The following RANBP2 variants were observed in gnomAD, a reference collection of about 807,000 sequenced individuals.
The protein encoded by RANBP2 is E3 SUMO-protein ligase RanBP2.
Under a neutral mutation model 303.6 loss-of-function variants are expected in RANBP2, and 57 were observed. That is an observed-to-expected ratio of 0.19 (90% CI 0.15 to 0.23). The LOEUF (loss-of-function observed/expected upper bound fraction) is 0.23, where lower values mean the gene tolerates loss of function less well. Ranked by LOEUF, RANBP2 falls within the 10% of genes least tolerant of loss-of-function variation. The pLI is 1.00. For missense variants in RANBP2, 3,138 were observed against 3,780.8 expected, an observed-to-expected ratio of 0.83 and a Z score of 4.46; for synonymous variants, 1,167 against 1,301.5, an observed-to-expected ratio of 0.90 and a Z score of 2.23.
At chr2:108,728,595 TATGATGATGATGATG>T (rs56238649) in intron 1 of RANBP2, among the ~76,000 whole-genome samples, 35 of 145,614 alleles carry the variant, frequency 2.4e-4, no homozygotes, top group Admixed American at 1.2e-3. Flanking sequence ...CCAGCTTATT[TATGATGATGATGATG>T]ATGATGATGA....
chr2:108,800,789 C>G, the RANBP2 span, among the ~76,000 whole-genome samples: 1 of 115,346 alleles, frequency 8.7e-6, no homozygotes. Flanking sequence ...CCCCCCACCC[C>G]ACCACAGTCC....
the RANBP2 span, chr2:109,667,077 A>T: frequency 1.3e-6 from 1 of 749,770 alleles, no homozygotes. Context: ...TGGGTTTCAA[A>T]TACACATAGA....
At chr2:109,484,062 CCTTT>C in the RANBP2 span, among the ~76,000 whole-genome samples, 967 of 119,764 alleles carry the variant, frequency 8.1e-3, 19 homozygotes, top group African/African-American at 0.025. Context: ...CATCCTCTGG[CCTTT>C]CTTTTTTTTT....
chr2:108,956,742 G>A, the RANBP2 span, among the ~76,000 whole-genome samples: 93 of 152,072 alleles, frequency 6.1e-4, no homozygotes, highest in African/African-American at 2.0e-3. Flanking sequence ...TTTACGATTA[G>A]GATCCCAAGT....
At chr2:109,511,260 C>G in the RANBP2 span, among the ~76,000 whole-genome samples, 1 of 152,180 alleles carries the variant, frequency 6.6e-6, no homozygotes, top group Non-Finnish European at 1.5e-5. Context: ...TGTGACAGTG[C>G]TCCCTGAAGC....
At chr2:108,842,056 G>A in the RANBP2 span, among the ~76,000 whole-genome samples, 2 of 152,234 alleles carry the variant, frequency 1.3e-5, no homozygotes, top group African/African-American at 4.8e-5. Context: ...TTGAGACAGA[G>A]TCTCACTCTG....
the RANBP2 span, among the ~76,000 whole-genome samples, chr2:108,828,792 CAT>C: frequency 6.6e-6 from 1 of 152,090 alleles, no homozygotes; most frequent in Non-Finnish European, 1.5e-5. Context: ...GCCTGGCCAA[CAT>C]AGTGAAACCC....
intron 5 of RANBP2, 118 bp from the exon 6 acceptor site, chr2:108,735,986 A>G: frequency 6.2e-7 from 1 of 1,600,096 alleles, no homozygotes; most frequent in South Asian, 1.1e-5. Flanking sequence ...GTCGATATAA[A>G]AATCAATATA....
At chr2:109,133,869 G>A in the RANBP2 span, among the ~76,000 whole-genome samples, 1 of 152,162 alleles carries the variant, frequency 6.6e-6, no homozygotes, top group Non-Finnish European at 1.5e-5. Context: ...GGCTTCCCCA[G>A]GCAGGAGTGG....
At chr2:109,429,424 G>A in the RANBP2 span, among the ~76,000 whole-genome samples, 1 of 152,188 alleles carries the variant, frequency 6.6e-6, no homozygotes, top group East Asian at 1.9e-4. Flanking sequence ...AGAGATCAGA[G>A]TGAAGGATTA....
chr2:108,849,085 A>G, the RANBP2 span, among the ~76,000 whole-genome samples: 3 of 152,316 alleles, frequency 2.0e-5, no homozygotes, highest in East Asian at 5.8e-4. Flanking sequence ...AGTGCCTGAA[A>G]TTTAAAAATA....
the RANBP2 span, among the ~76,000 whole-genome samples, chr2:109,533,570 A>G: frequency 1.3e-5 from 2 of 152,198 alleles, no homozygotes; most frequent in East Asian, 3.9e-4. Context: ...TTATTCCCAT[A>G]ATATTCTAAC....
At position 108,740,657 on chromosome 2, in the gene RANBP2, A is replaced by T. The variant is rs750467478; in HGVS notation, c.951A>T (p.Ala317=). 2.4e-5 allele frequency: 38 copies of T among 1,597,428 alleles called. No individual in the cohort carries two copies. The African/African-American group carries it at 4.8e-4, about 20-fold the overall frequency. Residue 317 remains alanine, a synonymous_variant, in exon 7 of 29, where the codon GCA becomes GCT. Coordinates refer to ENST00000283195, the MANE Select transcript of RANBP2 (RefSeq NM_006267.5). ...GGCGAGCTCTTTCTGAGCTGGCTGC[A>T]TTGTGCTATCTCATAGCATTTCAGG... ...VQWRALSELA[A]LCYLIAFQVP...
the RANBP2 span, among the ~76,000 whole-genome samples, chr2:108,797,340 T>C: frequency 6.6e-5 from 10 of 152,054 alleles, no homozygotes; most frequent in Admixed American, 1.3e-4. Flanking sequence ...CATTTTAAGT[T>C]GGAGGAAAGA....
the RANBP2 span, among the ~76,000 whole-genome samples, chr2:109,409,751 C>T: frequency 4.1e-5 from 6 of 147,316 alleles, no homozygotes; most frequent in African/African-American, 1.5e-4. Flanking sequence ...CTGCTTGCTC[C>T]TCTTTGCAGA....
chr2:109,759,440 C>A, the RANBP2 span: 1 of 12,242 alleles, frequency 8.2e-5, no homozygotes. Context: ...TGTTTCTCAG[C>A]ATTTGGGTTG....
the RANBP2 span, among the ~76,000 whole-genome samples, chr2:109,010,210 A>G: frequency 4.9e-4 from 74 of 152,224 alleles, no homozygotes; most frequent in African/African-American, 1.7e-3. Flanking sequence ...ATGATTATGA[A>G]TCATGTCTTT....
At chr2:109,425,539 T>C in the RANBP2 span, among the ~76,000 whole-genome samples, 9 of 152,334 alleles carry the variant, frequency 5.9e-5, no homozygotes, top group South Asian at 1.9e-3. Context: ...GAAGCCAGTG[T>C]TCATTTGCCA....
the RANBP2 span, chr2:108,894,606 T>TTAAAG: frequency 5.9e-5 from 9 of 152,594 alleles, no homozygotes; most frequent in Non-Finnish European, 8.8e-5. Flanking sequence ...TCTAAATGTT[T>TTAAAG]TAAAGTATTG....
Sources: gnomAD v4.1 joint callset for allele counts (sites outside exome capture counted in the v4.1 genomes callset) on GRCh38, gnomAD v4.1.1 for gene constraint, MANE v1.5 for transcripts, NCBI Gene and HGNC (gene_info 2026-07-23, HGNC 2026-07-21) for gene names.